Variants in EXD2 observed in about 807,000 individuals in gnomAD.
The protein encoded by EXD2 is exonuclease 3'-5' domain containing 2.
Under a neutral mutation model 62.5 loss-of-function variants are expected in EXD2, and 40 were observed. The ratio of observed to expected loss-of-function variants is 0.64; its 90% confidence interval spans 0.50 to 0.83. The LOEUF is 0.83. Among genes scored for constraint, EXD2 ranks in the 40% least tolerant of loss-of-function variants. The pLI is 0.00. For missense variants in EXD2, 671 were observed against 761.8 expected, an observed-to-expected ratio of 0.88 and a Z score of 1.40; for synonymous variants, 239 against 291.9, an observed-to-expected ratio of 0.82 and a Z score of 1.85.
At chr14:69,193,345 C>T (rs1392232122) in intron 1 of EXD2, among the ~76,000 whole-genome samples, 1 of 152,178 alleles carries the variant, frequency 6.6e-6, no homozygotes, top group African/African-American at 2.4e-5. Context: ...AGGCGTGAGC[C>T]ACCGTGTCTG....
intron 1 of EXD2, among the ~76,000 whole-genome samples, chr14:69,199,417 T>C (rs1010726579): frequency 1.3e-5 from 2 of 152,250 alleles, no homozygotes; most frequent in African/African-American, 4.8e-5. Flanking sequence ...TAGGCTACAC[T>C]CAAATTATTT....
intron 3 of EXD2, among the ~76,000 whole-genome samples, chr14:69,215,117 G>A (rs951505870): frequency 6.6e-6 from 1 of 151,946 alleles, no homozygotes; most frequent in Admixed American, 6.6e-5. Context: ...GTGAAACCCC[G>A]TCTCTACTAA....
chr14:69,209,503 G>A lies in EXD2; in HGVS notation c.33G>A (p.Val11=). The stretch of plus-strand genomic sequence containing the variant: ...GACAGAACTTAGTGGCTTTGACAGT[G>A]ACTACCCTTCTGGGTGTGGCTGTAG... MSRQNLVALT[V]TTLLGVAVGG... is the part of the protein sequence containing the mutation. The change falls in exon 3 of 10, where the codon GTG becomes GTA. Residue 11 remains valine (V), a synonymous_variant. Coordinates refer to ENST00000685843, the MANE Select transcript of EXD2 (RefSeq NM_001193360.2). 2 of 1,547,336 alleles carry A rather than the reference G, an allele frequency of 1.3e-6. No homozygotes were observed. The highest frequency in any genetic ancestry group is 8.7e-7 in the Non-Finnish European group (1 of 1,145,396).
intron 3 of EXD2, among the ~76,000 whole-genome samples, chr14:69,228,456 T>C (rs900724393): frequency 1.3e-5 from 2 of 152,172 alleles, no homozygotes; most frequent in African/African-American, 4.8e-5. Context: ...CCTCCCAAAG[T>C]GCTGGGATTA....
At chr14:69,217,897 C>A (rs531692465) in intron 3 of EXD2, among the ~76,000 whole-genome samples, 4 of 152,316 alleles carry the variant, frequency 2.6e-5, no homozygotes, top group African/African-American at 9.6e-5. Flanking sequence ...GCATAGTATT[C>A]CATGGTGTAT....
At chr14:69,199,961 T>C (rs2042336142) in intron 1 of EXD2, among the ~76,000 whole-genome samples, 1 of 152,220 alleles carries the variant, frequency 6.6e-6, no homozygotes, top group Admixed American at 6.5e-5. Context: ...TGCTATACTT[T>C]TATACGACTG....
intron 3 of EXD2, chr14:69,224,125 C>T (rs895320740): frequency 6.6e-6 from 1 of 152,348 alleles, no homozygotes; most frequent in African/African-American, 2.4e-5. Flanking sequence ...CTCTCCACCT[C>T]CCAGGCTTAA....
chr14:69,236,813 A>G (rs368695135), intron 8 of EXD2, among the ~76,000 whole-genome samples: 12 of 152,170 alleles, frequency 7.9e-5, no homozygotes, highest in Non-Finnish European at 1.6e-4. Context: ...TTGCTCATGA[A>G]AGACTGAAGA....
intron 8 of EXD2, 48 bp from the exon 9 acceptor site, chr14:69,237,527 C>T: frequency 6.4e-7 from 1 of 1,569,120 alleles, no homozygotes; most frequent in East Asian, 2.2e-5. Flanking sequence ...TTCCCATGTG[C>T]TCTGTCATAC....
At chr14:69,222,918 T>C (rs1353949761) in intron 3 of EXD2, among the ~76,000 whole-genome samples, 1 of 152,186 alleles carries the variant, frequency 6.6e-6, no homozygotes, top group African/African-American at 2.4e-5. Flanking sequence ...AAAAGACATA[T>C]GGTGAATTAG....
chr14:69,232,588 T>C (rs1353234182), intron 5 of EXD2, among the ~76,000 whole-genome samples: 1 of 152,222 alleles, frequency 6.6e-6, no homozygotes, highest in African/African-American at 2.4e-5. Context: ...AGAGCCATCC[T>C]AGTAGGTGTG....
chr14:69,218,703 A>G (rs915528841), intron 3 of EXD2, among the ~76,000 whole-genome samples: 6 of 152,146 alleles, frequency 3.9e-5, no homozygotes, highest in African/African-American at 1.4e-4. Flanking sequence ...TAAGGAAGGG[A>G]TCCAGTTTCA....
At chr14:69,218,480 C>T (rs1429998116) in intron 3 of EXD2, among the ~76,000 whole-genome samples, 1 of 152,066 alleles carries the variant, frequency 6.6e-6, no homozygotes, top group Non-Finnish European at 1.5e-5. Flanking sequence ...CTGTAGGTTG[C>T]CTGTTCACTC....
chr14:69,236,287 C>T (rs2043782875), intron 7 of EXD2, 120 bp from the exon 8 acceptor site: 1 of 1,565,738 alleles, frequency 6.4e-7, no homozygotes, highest in South Asian at 1.1e-5. Flanking sequence ...TGGGTAGGCA[C>T]AACCCAGAAA....
chr14:69,223,155 A>G (rs1251799866), intron 3 of EXD2, among the ~76,000 whole-genome samples: 2 of 152,188 alleles, frequency 1.3e-5, no homozygotes, highest in African/African-American at 4.8e-5. Context: ...CCACTAATTT[A>G]TGTCTTCTAA....
intron 3 of EXD2, among the ~76,000 whole-genome samples, chr14:69,220,206 A>T (rs901908732): frequency 7.1e-6 from 1 of 140,948 alleles, no homozygotes; most frequent in African/African-American, 2.7e-5. Context: ...TCCTGTTTGA[A>T]TGCCAGTCTC....
Position 69,234,891 on chromosome 14 carries a change from G to A in EXD2, c.909G>A (p.Glu303=). 1 of 1,614,222 alleles carries A rather than the reference G, an allele frequency of 6.2e-7. No individual in the cohort carries two copies. Among genetic ancestry groups the A allele is most frequent in the Non-Finnish European group, 8.5e-7 (1 of 1,180,042 alleles). The change falls in exon 6 of 10, where the codon GAG becomes GAA. Residue 303 remains glutamate, a synonymous_variant. Coordinates refer to ENST00000685843, the MANE Select transcript of EXD2 (RefSeq NM_001193360.2). Reference sequence around the variant, plus strand: ...AAGGAATGAGCAGATTGGGAGAAGAGGTTAATGGGGAAGCAACAGAATCTC... The same window carrying A: ...AAGGAATGAGCAGATTGGGAGAAGAAGTTAATGGGGAAGCAACAGAATCTC... The part of the protein sequence containing the change: ...RSKGMSRLGE[E]VNGEATESQQ...
chr14:69,223,849 C>T (rs1405651267), intron 3 of EXD2, among the ~76,000 whole-genome samples: 1 of 152,058 alleles, frequency 6.6e-6, no homozygotes, highest in Non-Finnish European at 1.5e-5. Flanking sequence ...TCCATTCTTG[C>T]CCTGCTATAA....
chr14:69,234,423 T>C (rs2140028676), intron 5 of EXD2, among the ~76,000 whole-genome samples: 1 of 152,306 alleles, frequency 6.6e-6, no homozygotes, highest in Non-Finnish European at 1.5e-5. Flanking sequence ...CACTGATTTA[T>C]ATAGGTGAGG....
Sources: gnomAD v4.1 joint callset for allele counts (sites outside exome capture counted in the v4.1 genomes callset) on GRCh38, gnomAD v4.1.1 for gene constraint, MANE v1.5 for transcripts, NCBI Gene and HGNC (gene_info 2026-07-23, HGNC 2026-07-21) for gene names.